Variants in PAK4 observed in about 807,000 individuals in gnomAD.
PAK4 encodes p21 (RAC1) activated kinase 4, also known as serine/threonine-protein kinase PAK 4.
A neutral mutation model predicts 53.5 loss-of-function variants in PAK4; 49 were observed. The ratio of observed to expected loss-of-function variants is 0.92; its 90% CI spans 0.73 to 1.16. PAK4 has a LOEUF of 1.16. PAK4 is among the 50% of genes most tolerant of loss of function. PAK4 has a pLI of 0.00. For synonymous variants in PAK4, 376 were observed against 375.6 expected, an observed-to-expected ratio of 1.00 and a Z score of -0.01; for missense variants, 824 against 850.7, an observed-to-expected ratio of 0.97 and a Z score of 0.39.
intron 1 of PAK4, among the ~76,000 whole-genome samples, chr19:39,126,760 A>T (rs980931022): frequency 1.3e-5 from 2 of 152,148 alleles, no homozygotes; most frequent in Admixed American, 1.3e-4. Flanking sequence ...TTAATGTTTA[A>T]TGAGGGCTCA....
At chr19:39,165,527 T>TA (rs1555778773) in intron 1 of PAK4, among the ~76,000 whole-genome samples, 1 of 129,498 alleles carries the variant, frequency 7.7e-6, no homozygotes, top group Non-Finnish European at 1.8e-5. Flanking sequence ...AATAAATAAA[T>TA]AAATAAATAA....
rs755879115 is a variant in PAK4 at position 39,178,549 on chromosome 19, G to T, written c.1746G>T (p.Val582=). The change falls in exon 9 of 9, where the codon GTG becomes GTT. Residue 582 remains valine, a synonymous_variant. Coordinates refer to ENST00000358301, the Ensembl canonical transcript of PAK4. This position sits in a 1 kb window ranked among gnomAD's most constrained non-coding sequence, Gnocchi z 4.4. ...AGGCAGGGCCGCCTGCCAGCATCGT[G>T]CCCCTCATGCGCCAGAACCGCACCA... 7 of 1,609,160 alleles carry T rather than the reference G, an allele frequency of 4.4e-6. No homozygotes were observed. Among genetic ancestry groups the T allele is most frequent in the African/African-American group, 2.7e-5 (2 of 74,802 alleles).
chr19:39,134,907 A>G (rs1170182483), intron 1 of PAK4: 1 of 152,248 alleles, frequency 6.6e-6, no homozygotes, highest in Non-Finnish European at 1.5e-5. Flanking sequence ...GCCCAGCCCC[A>G]TATAATATTC....
intron 1 of PAK4, among the ~76,000 whole-genome samples, chr19:39,129,621 GCCCA>G (rs1411983964): frequency 6.8e-6 from 1 of 147,948 alleles, no homozygotes; most frequent in Admixed American, 6.9e-5. Context: ...AGGTTTATGG[GCCCA>G]CCCACCCACC....
chr19:39,133,662 C>T (rs918773560), intron 1 of PAK4, among the ~76,000 whole-genome samples: 2 of 152,202 alleles, frequency 1.3e-5, no homozygotes, highest in African/African-American at 4.8e-5. Context: ...AGCTTTCGAG[C>T]AGACACCTTG....
At chr19:39,149,390 A>G (rs567499903) in intron 1 of PAK4, among the ~76,000 whole-genome samples, 2 of 152,228 alleles carry the variant, frequency 1.3e-5, no homozygotes, top group Non-Finnish European at 2.9e-5. Context: ...TCAGCCAGAC[A>G]CAGAAGGAGA....
intron 1 of PAK4, among the ~76,000 whole-genome samples, chr19:39,132,714 C>T (rs1046045396): frequency 1.3e-5 from 2 of 152,188 alleles, no homozygotes; most frequent in Non-Finnish European, 2.9e-5. Context: ...TTAACTTTGC[C>T]GGTAGTGTTA....
At chr19:39,171,195 C>T (rs1472531478) in intron 2 of PAK4, among the ~76,000 whole-genome samples, 4 of 151,194 alleles carry the variant, frequency 2.6e-5, no homozygotes, top group African/African-American at 4.9e-5. Flanking sequence ...AGGACCTTCT[C>T]GACTCCCTGT....
intron 1 of PAK4, among the ~76,000 whole-genome samples, chr19:39,167,324 G>C (rs1675103405): frequency 6.6e-6 from 1 of 152,232 alleles, no homozygotes; most frequent in Admixed American, 6.5e-5. Flanking sequence ...CGGAGAGGCC[G>C]GAGGACATGG....
intron 1 of PAK4, among the ~76,000 whole-genome samples, chr19:39,129,637 A>T (rs112669074): frequency 1.9e-4 from 5 of 26,120 alleles, no homozygotes; most frequent in African/African-American, 5.9e-4. Context: ...CCACCCACCC[A>T]CCAGGCTGTT....
chr19:39,145,296 G>A lies in PAK4; in HGVS notation c.-23+19377G>A, dbSNP rs537630191. On this transcript the variant is annotated intron_variant, in intron 1 of 8. Transcript: ENST00000358301. ...CGTCTGCTTCCCTAAACAGTGTCCC[G>A]CATTGTTCTGCAGGATTTTAAACTG... 7.2e-5 allele frequency among the ~76,000 whole-genome samples: 11 copies of A among 152,282 alleles called. No homozygotes were observed. In the East Asian group the frequency reaches 1.9e-3, roughly 27 times the overall value.
intron 1 of PAK4, chr19:39,134,815 G>A (rs926982818): frequency 6.6e-6 from 1 of 152,114 alleles, no homozygotes; most frequent in Non-Finnish European, 1.5e-5. Context: ...ACGTTGGCCA[G>A]GCGAGTCTTG....
intron 1 of PAK4, among the ~76,000 whole-genome samples, chr19:39,140,628 G>T (rs1202930964): frequency 2.0e-5 from 3 of 152,164 alleles, no homozygotes; most frequent in African/African-American, 7.2e-5. Flanking sequence ...TATTTGATGG[G>T]ACTAGGGGGG....
chr19:39,177,804 C>T (rs2074637831), exon 8 of PAK4: 19 of 1,611,768 alleles, frequency 1.2e-5, no homozygotes, highest in Non-Finnish European at 1.6e-5. Flanking sequence ...GAAGAACCTG[C>T]ACAAGGTAGG....
At chr19:39,182,774 A>G (rs2074710401), downstream of PAK4, 1 of 151,914 alleles carries the variant, frequency 6.6e-6, no homozygotes, top group Non-Finnish European at 1.5e-5. Context: ...AGCTGAGATC[A>G]CATCACTGCA....
chr19:39,161,429 G>A lies in PAK4; in HGVS notation c.-22-8103G>A, dbSNP rs1223900592. On this transcript the variant is annotated intron_variant, in intron 1 of 8. Transcript: ENST00000358301. This position sits in a 1 kb window ranked among gnomAD's most constrained non-coding sequence, Gnocchi z 4.5. ...CCTATGAGCTCACGCTGCAGCCCTC[G>A]GCCAGTCCTGCCACCTCCACCTTTA... Among the ~76,000 whole-genome samples, 2 of 152,162 alleles carry A rather than the reference G, an allele frequency of 1.3e-5. No individual in the cohort carries two copies. Among genetic ancestry groups the A allele is most frequent in the African/African-American group, 2.4e-5 (1 of 41,508 alleles).
intron 1 of PAK4, among the ~76,000 whole-genome samples, chr19:39,158,232 TGTGTGTGCGCGC>T (rs1251336839): frequency 6.6e-6 from 1 of 151,796 alleles, no homozygotes; most frequent in African/African-American, 2.4e-5. Flanking sequence ...TGTGTGTGCA[TGTGTGTGCGCGC>T]ATGTGTGAGC....
intron 1 of PAK4, among the ~76,000 whole-genome samples, chr19:39,154,393 ATG>A (rs2074142175): frequency 6.6e-6 from 1 of 152,088 alleles, no homozygotes; most frequent in Non-Finnish European, 1.5e-5. Flanking sequence ...GCAGGTAATC[ATG>A]TGTGTACCCA....
intron 1 of PAK4, among the ~76,000 whole-genome samples, chr19:39,147,124 C>G (rs1333342327): frequency 2.0e-5 from 3 of 151,838 alleles, no homozygotes; most frequent in South Asian, 4.2e-4. Flanking sequence ...CATTGTCAGT[C>G]ACAAGGATCC....
Sources: gnomAD v4.1 joint callset for allele counts (sites outside exome capture counted in the v4.1 genomes callset) on GRCh38, gnomAD v4.1.1 for gene constraint, Gnocchi (gnomAD v3.1) non-coding constraint, MANE v1.5 for transcripts, NCBI Gene and HGNC (gene_info 2026-07-23, HGNC 2026-07-21) for gene names.